TNRC18: variants seen among roughly 807,000 people sequenced by gnomAD.
TNRC18 encodes trinucleotide repeat-containing gene 18 protein.
A neutral mutation model predicts 226.7 loss-of-function variants in TNRC18; 69 were observed. The observed-to-expected ratio is 0.30, with a 90% CI of 0.25 to 0.37. TNRC18 has a LOEUF of 0.37. TNRC18 is among the 10% of genes least tolerant of loss of function. The pLI is 1.00. For missense variants in TNRC18, 4,754 were observed against 4,256.6 expected (o/e 1.12, Z -3.25); for synonymous variants, 2,449 against 1,927.6 (o/e 1.27, Z -7.09).
intron 2 of TNRC18, chr7:5,420,757 C>G: frequency 1.6e-6 from 1 of 627,416 alleles, no homozygotes; most frequent in Non-Finnish European, 3.0e-6. Flanking sequence ...AAACTCCAGC[C>G]CAGGCTCGTG....
At chr7:5,423,042 G>C (rs1013952884) in intron 1 of TNRC18, 1 of 152,244 alleles carries the variant, frequency 6.6e-6, no homozygotes, top group Non-Finnish European at 1.5e-5. Flanking sequence ...GCTCCGCTGC[G>C]TTCTCCTTAC....
Position 5,365,160 on chromosome 7 carries a change from C to T in TNRC18, c.4220-2335G>A, listed in dbSNP as rs574412343. On this transcript the variant is annotated intron_variant, in intron 11 of 29. Transcript: ENST00000430969. Reference sequence around the variant, plus strand: ...ATAGGGTCTCACTCTGTCCCCCACCCTGGCTGGAGTTCACCATCACACGTC... The same window carrying T: ...ATAGGGTCTCACTCTGTCCCCCACCTTGGCTGGAGTTCACCATCACACGTC... Among the ~76,000 whole-genome samples the T allele has an allele frequency of 3.3e-5, 5 of 152,280 alleles. 1 individual carries two copies. The South Asian group carries it at 1.0e-3, about 32-fold the overall frequency.
Position 5,377,547 on chromosome 7 carries a change from C to T in TNRC18, c.2285G>A (p.Arg762His), listed in dbSNP as rs1273990671. 6 of 1,587,698 alleles carry T rather than the reference C, an allele frequency of 3.8e-6. No individual in the cohort carries two copies. The highest frequency in any genetic ancestry group is 1.3e-5 in the African/African-American group (1 of 74,540). Residue 762 changes from arginine to histidine, a missense_variant, in exon 7 of 30, where the codon CGC (arginine) becomes CAC (histidine). By Grantham distance (29) the Arg-to-His change is conservative. Coordinates refer to ENST00000430969, the MANE Select transcript of TNRC18 (RefSeq NM_001080495.3). This position sits in a 1 kb window ranked among gnomAD's most constrained non-coding sequence, Gnocchi z 5.8. Reference sequence around the variant, plus strand: ...AGGAGCACAGCTGGTAGGGTGCAGGCGGGCCAGGTCAGCCAGCTCCTTACT... The same window carrying T: ...AGGAGCACAGCTGGTAGGGTGCAGGTGGGCCAGGTCAGCCAGCTCCTTACT... The part of the protein sequence containing the change: ...RESKELADLA[R>H]LHPTSCAPNG...
rs1245077376 is a variant in TNRC18 at position 5,356,936 on chromosome 7, T to C, written c.5174A>G (p.Glu1725Gly). Residue 1725 changes from glutamate to glycine, a missense_variant, in exon 16 of 30, where the codon GAA becomes GGA. Transcript: ENST00000430969. Reference protein sequence around the residue: ...PKSAHSPFASEVSSYSYNTDS... With the variant: ...PKSAHSPFASGVSSYSYNTDS... ...CTTACTGTAAGAGTAGCTGCTCACT[T>C]CCGAGGCAAACGGGGAATGGGCCGA... 6.5e-7 allele frequency: 1 copy of C among 1,549,322 alleles called. No homozygotes were observed. The highest frequency in any genetic ancestry group is 8.7e-7 in the Non-Finnish European group (1 of 1,145,830).
intron 5 of TNRC18, among the ~76,000 whole-genome samples, chr7:5,378,445 G>A (rs998021922): frequency 6.7e-6 from 1 of 150,098 alleles, no homozygotes; most frequent in Non-Finnish European, 1.5e-5. Flanking sequence ...TTGAGATGGA[G>A]TCTCGCTCTG....
chr7:5,372,043 A>G (rs980461249), intron 10 of TNRC18, among the ~76,000 whole-genome samples: 1 of 151,228 alleles, frequency 6.6e-6, no homozygotes. Flanking sequence ...GACAAGAAGC[A>G]TAAGCATGAC....
chr7:5,390,494 G>A lies in TNRC18; in HGVS notation c.478C>T (p.Pro160Ser). 6.2e-7 allele frequency: 1 copy of A among 1,613,502 alleles called. No homozygotes were observed. Among genetic ancestry groups the A allele is most frequent in the Non-Finnish European group, 8.5e-7 (1 of 1,179,812 alleles). The change falls in exon 4 of 30, where the codon CCA (proline) becomes TCA (serine). Residue 160 changes from proline (P) to serine (S), a missense_variant. Pro to Ser is a moderately conservative substitution (Grantham distance 74, BLOSUM62 -1). Coordinates refer to ENST00000430969, the MANE Select transcript of TNRC18 (RefSeq NM_001080495.3). ...SIFDTQKGQG[P>S]GGDGFYLPTA... Reference sequence around the variant, plus strand: ...CGGACTCCAGTCTTACCTCCTCCTGGCCCCTGACCTTTCTGGGTATCGAAA... The same window carrying A: ...CGGACTCCAGTCTTACCTCCTCCTGACCCCTGACCTTTCTGGGTATCGAAA...
chr7:5,366,316 A>ATTT (rs1793615937), intron 11 of TNRC18, among the ~76,000 whole-genome samples: 5 of 53,676 alleles, frequency 9.3e-5, no homozygotes, highest in East Asian at 3.7e-4. Context: ...CTCTTCTTAT[A>ATTT]TCTTTTTTTT....
intron 4 of TNRC18, 135 bp from the exon 5 acceptor site, chr7:5,389,471 T>TATTTTTTTTTTTTC: frequency 1.1e-6 from 1 of 923,914 alleles, no homozygotes; most frequent in Non-Finnish European, 1.4e-6. Flanking sequence ...GTTTTTTTTT[T>TATTTTTTTTTTTTC]CAGAAAGAGT....
At chr7:5,420,703 C>T (rs769351187) in intron 2 of TNRC18, 4 of 526,466 alleles carry the variant, frequency 7.6e-6, no homozygotes, top group Non-Finnish European at 1.5e-5. Context: ...GGGTGTCTCG[C>T]GGGGTGCGGG....
intron 27 of TNRC18, among the ~76,000 whole-genome samples, chr7:5,310,838 C>T (rs1211120621): frequency 6.6e-6 from 1 of 152,260 alleles, no homozygotes; most frequent in East Asian, 1.9e-4. Context: ...GTCTGAACCA[C>T]CACTTCTCAC....
At chr7:5,412,599 A>G (rs1781917031) in intron 2 of TNRC18, among the ~76,000 whole-genome samples, 1 of 151,868 alleles carries the variant, frequency 6.6e-6, no homozygotes. Context: ...AAAATAAAAT[A>G]AAAATAAAAA....
At chr7:5,378,164 C>T in intron 5 of TNRC18, 140 bp from the exon 6 acceptor site, 1 of 628,116 alleles carries the variant, frequency 1.6e-6, no homozygotes, top group Non-Finnish European at 2.8e-6. Flanking sequence ...TGCCTTCACC[C>T]CAACATCTTT....
intron 2 of TNRC18, among the ~76,000 whole-genome samples, chr7:5,396,325 G>A (rs1478379910): frequency 2.0e-5 from 3 of 152,092 alleles, no homozygotes; most frequent in Admixed American, 1.3e-4. Context: ...TCCCGCCTGG[G>A]CAACAGAGTG....
Position 5,377,517 on chromosome 7 carries a change from CCGTTAGGAG to C in TNRC18, c.2306_2314del (p.Ala769_Asn771del). On this transcript the variant is annotated inframe_deletion, in exon 7 of 30. Coordinates refer to ENST00000430969, the MANE Select transcript of TNRC18 (RefSeq NM_001080495.3). This position sits in a 1 kb window ranked among gnomAD's most constrained non-coding sequence, Gnocchi z 5.8. ...CGTCACCATGAGGTTGGGGTTCAGG[CCGTTAGGAG>C]CACAGCTGGTAGGGTGCAGGCGGGC... 3.1e-6 allele frequency: 5 copies of C among 1,588,236 alleles called. No homozygotes were observed. In the South Asian group the frequency reaches 5.7e-5, roughly 18 times the overall value.
intron 9 of TNRC18, among the ~76,000 whole-genome samples, chr7:5,375,662 G>A (rs992037200): frequency 6.6e-6 from 1 of 152,116 alleles, no homozygotes; most frequent in Non-Finnish European, 1.5e-5. Flanking sequence ...TCTCCGAGAG[G>A]CCACCTGGAG....
chr7:5,322,148 C>T (rs1474911152), intron 21 of TNRC18, among the ~76,000 whole-genome samples: 3 of 151,966 alleles, frequency 2.0e-5, no homozygotes, highest in African/African-American at 7.2e-5. Flanking sequence ...TGTGGCAGTG[C>T]ACGCCTGTAG....
At chr7:5,368,579 C>T (rs534526033) in intron 11 of TNRC18, among the ~76,000 whole-genome samples, 14 of 146,774 alleles carry the variant, frequency 9.5e-5, no homozygotes, top group Admixed American at 4.2e-4. Flanking sequence ...CAGGAAAAAT[C>T]GCTTGAACCT....
At position 5,324,956 on chromosome 7, in the gene TNRC18, T is replaced by A; in HGVS notation, c.6300+140A>T. 1 of 985,878 alleles carries A rather than the reference T, an allele frequency of 1.0e-6. No individual in the cohort carries two copies. Among genetic ancestry groups the A allele is most frequent in the South Asian group, 1.7e-5 (1 of 57,600 alleles). 61.1% of individuals were successfully genotyped at this position (985,878 alleles called of 1,614,324 possible). On this transcript the variant is annotated intron_variant, in intron 20 of 29. Transcript: ENST00000430969. This position sits in a 1 kb window ranked among gnomAD's most constrained non-coding sequence, Gnocchi z 4.8. ...TCCCTGGAGTGTGGGGACGGCCACA[T>A]CACCCTCGTCACCCGCAACCTCTCT...
Sources: gnomAD v4.1 joint callset for allele counts (sites outside exome capture counted in the v4.1 genomes callset) on GRCh38, gnomAD v4.1.1 for gene constraint, Gnocchi (gnomAD v3.1) non-coding constraint, MANE v1.5 for transcripts, NCBI Gene and HGNC (gene_info 2026-07-23, HGNC 2026-07-21) for gene names.